Variants in MUSK observed in about 807,000 individuals in gnomAD.
MUSK encodes the protein muscle associated receptor tyrosine kinase.
A neutral mutation model predicts 88.7 loss-of-function variants in MUSK; 55 were observed. The ratio of observed to expected loss-of-function variants is 0.62; its 90% CI spans 0.50 to 0.78. MUSK has a LOEUF of 0.78. Among genes scored for constraint, MUSK ranks in the 30% least tolerant of loss-of-function variants. The pLI is 0.00. For synonymous variants in MUSK, 387 were observed against 391.9 expected (o/e 0.99, Z 0.15); for missense variants, 1,015 against 1,074.3 (o/e 0.94, Z 0.77).
chr9:110,770,443 A>G (rs62571377), intron 9 of MUSK, among the ~76,000 whole-genome samples: 55,666 of 145,650 alleles, frequency 0.38, 11,542 homozygotes, highest in Non-Finnish European at 0.47. Flanking sequence ...ATTTACAATT[A>G]TATATTAATT....
intron 11 of MUSK, among the ~76,000 whole-genome samples, chr9:110,781,450 G>T (rs1376785387): frequency 2.0e-5 from 3 of 152,012 alleles, no homozygotes; most frequent in Admixed American, 6.6e-5. Flanking sequence ...CTAATTTTTT[G>T]TATTTTTAGT....
intron 5 of MUSK, chr9:110,728,758 T>C (rs1395740716): frequency 6.6e-7 from 1 of 1,517,282 alleles, no homozygotes; most frequent in South Asian, 1.2e-5. Flanking sequence ...TTTAATTGTG[T>C]AGCTCTTTTC....
At chr9:110,684,342 T>A (rs780737062) in intron 2 of MUSK, among the ~76,000 whole-genome samples, 9 of 152,136 alleles carry the variant, frequency 5.9e-5, no homozygotes, top group Non-Finnish European at 1.2e-4. Flanking sequence ...CCCATTGGTC[T>A]ATGTGTCTCT....
At chr9:110,747,573 C>A (rs2077188709) in intron 6 of MUSK, 68 bp from the exon 7 acceptor site, 2 of 1,454,800 alleles carry the variant, frequency 1.4e-6, no homozygotes, top group African/African-American at 2.8e-5. Context: ...CTTTTCCCTT[C>A]AAATCTACTG....
At chr9:110,681,080 T>TTAGATAATATATATTA (rs2076118397) in intron 1 of MUSK, among the ~76,000 whole-genome samples, 1 of 25,988 alleles carries the variant, frequency 3.8e-5, no homozygotes, top group Non-Finnish European at 6.3e-5. Flanking sequence ...ATTATATATA[T>TTAGATAATATATATTA]TATATAATAT....
intron 11 of MUSK, 34 bp from the exon 12 acceptor site, chr9:110,784,781 G>C: frequency 6.5e-7 from 1 of 1,548,096 alleles, no homozygotes; most frequent in Non-Finnish European, 8.8e-7. Context: ...TTAAAGGTTT[G>C]AGAATGAATG....
chr9:110,720,332 G>A (rs890812253), intron 5 of MUSK, among the ~76,000 whole-genome samples: 5 of 151,808 alleles, frequency 3.3e-5, no homozygotes, highest in South Asian at 2.1e-4. Flanking sequence ...AAATAAAATC[G>A]ATAGACCATT....
intron 8 of MUSK, among the ~76,000 whole-genome samples, chr9:110,767,161 G>C (rs1312907345): frequency 6.6e-6 from 1 of 152,222 alleles, no homozygotes; most frequent in African/African-American, 2.4e-5. Context: ...TGGGTGACCA[G>C]TTGACTTTCC....
intron 5 of MUSK, chr9:110,706,098 G>A (rs1436798969): frequency 3.8e-6 from 2 of 531,314 alleles, no homozygotes; most frequent in Admixed American, 3.9e-5. Flanking sequence ...TTCACACCCA[G>A]TTTGTGGCTT....
intron 14 of MUSK, 164 bp downstream of exon 14, chr9:110,788,002 C>T (rs1436173297): frequency 1.4e-6 from 1 of 722,134 alleles, no homozygotes; most frequent in Non-Finnish European, 2.4e-6. Flanking sequence ...CCCTATAGGA[C>T]ATTCATGGCT....
intron 8 of MUSK, among the ~76,000 whole-genome samples, chr9:110,767,547 A>T (rs1041852586): frequency 2.6e-5 from 4 of 152,220 alleles, no homozygotes; most frequent in East Asian, 1.9e-4. Context: ...AATATTAAAA[A>T]TACCCAAATC....
chr9:110,701,114 G>T (rs574326985), intron 5 of MUSK, among the ~76,000 whole-genome samples: 3 of 152,182 alleles, frequency 2.0e-5, no homozygotes, highest in African/African-American at 7.2e-5. Flanking sequence ...GTCAGGGAAG[G>T]GGGTGAGGAT....
intron 11 of MUSK, 112 bp from the exon 12 acceptor site, chr9:110,784,703 C>T (rs1278856017): frequency 2.6e-6 from 2 of 763,602 alleles, no homozygotes; most frequent in Non-Finnish European, 2.0e-6. Context: ...CAGGGAGAAC[C>T]TGATACATAA....
At chr9:110,785,747 C>A in intron 13 of MUSK, 29 bp downstream of exon 13, 2 of 1,557,908 alleles carry the variant, frequency 1.3e-6, no homozygotes, top group South Asian at 1.2e-5. Flanking sequence ...AAAAAAACTC[C>A]ATTGAAATAT....
intron 3 of MUSK, among the ~76,000 whole-genome samples, chr9:110,690,220 G>GTATATATAAATATATATAAA (rs1554736134): frequency 3.8e-5 from 2 of 53,196 alleles, no homozygotes; most frequent in Admixed American, 5.1e-4. Flanking sequence ...ATATATTTAA[G>GTATATATAAATATATATAAA]TATAAATATA....
At chr9:110,786,183 C>A (rs1444784721) in intron 13 of MUSK, among the ~76,000 whole-genome samples, 1 of 150,742 alleles carries the variant, frequency 6.6e-6, no homozygotes, top group Admixed American at 6.6e-5. Context: ...TGGTGGTGCA[C>A]AACTGTAGTC....
chr9:110,767,901 T>A lies in MUSK; in HGVS notation c.1002T>A (p.Leu334=). ...ATGCAGTCCTGGCAAAAGATGCTCT[T>A]GTTTTTCTCAACACCTCCTATGCGG... ...VCNAVLAKDA[L]VFLNTSYADP... is the part of the protein sequence containing the mutation. Residue 334 remains leucine (L), a synonymous_variant, in exon 9 of 15, where the codon CTT becomes CTA. Coordinates refer to ENST00000374448, the MANE Select transcript of MUSK (RefSeq NM_005592.4). 6.2e-7 allele frequency: 1 copy of A among 1,613,956 alleles called. No homozygotes were observed. Among genetic ancestry groups the A allele is most frequent in the African/African-American group, 1.3e-5 (1 of 75,032 alleles).
At chr9:110,690,469 A>C (rs1225043919) in intron 3 of MUSK, among the ~76,000 whole-genome samples, 1 of 106,516 alleles carries the variant, frequency 9.4e-6, no homozygotes, top group Non-Finnish European at 1.7e-5. Context: ...TTTAAATATA[A>C]GTATATATAT....
chr9:110,735,703 T>G (rs2131844043), intron 6 of MUSK, among the ~76,000 whole-genome samples: 1 of 152,042 alleles, frequency 6.6e-6, no homozygotes, highest in South Asian at 2.1e-4. Context: ...AGAAAAGAGG[T>G]TTAATTGGCT....
Sources: gnomAD v4.1 joint callset for allele counts (sites outside exome capture counted in the v4.1 genomes callset) on GRCh38, gnomAD v4.1.1 for gene constraint, MANE v1.5 for transcripts, NCBI Gene and HGNC (gene_info 2026-07-23, HGNC 2026-07-21) for gene names.